OS9: variants seen among roughly 807,000 people sequenced by gnomAD.
OS9 encodes the protein protein OS-9.
In OS9, 58 loss-of-function variants were observed where a neutral mutation model predicts 84.7. The observed-to-expected ratio is 0.68, with a 90% CI of 0.55 to 0.85. The LOEUF (loss-of-function observed/expected upper bound fraction) is 0.85, where lower values mean the gene tolerates loss of function less well. OS9 is among the 40% of genes least tolerant of loss of function. OS9 has a pLI of 0.00. For synonymous variants in OS9, 278 were observed against 320.8 expected (o/e 0.87, Z 1.43); for missense variants, 760 against 850.9 (o/e 0.89, Z 1.33).
At chr12:57,706,832 G>C (rs1173913243) in intron 5 of OS9, among the ~76,000 whole-genome samples, 1 of 122,056 alleles carries the variant, frequency 8.2e-6, no homozygotes, top group Non-Finnish European at 1.6e-5. Flanking sequence ...CTGGGTGACA[G>C]AGCATGACTC....
rs140322215 is a variant in OS9, at chr12:57,714,757, C to T, written c.580-1003C>T. Among the ~76,000 whole-genome samples the T allele has an allele frequency of 7.7e-3, 1,169 of 152,184 alleles. 29 individuals carry two copies. Among genetic ancestry groups the T allele is most frequent in the East Asian group, 0.057 (294 of 5,148 alleles). On this transcript the variant is annotated intron_variant, in intron 5 of 14. Coordinates refer to ENST00000315970, the MANE Select transcript of OS9 (RefSeq NM_006812.4). ...ACTACAGGTGCACACCACCACACCTCGCTAATTTTTAAAAATTTTTTGTGG... is the reference window on the plus strand; with the variant it reads ...ACTACAGGTGCACACCACCACACCTTGCTAATTTTTAAAAATTTTTTGTGG...
intron 12 of OS9, 30 bp from the exon 13 acceptor site, chr12:57,720,069 T>C: frequency 6.2e-7 from 1 of 1,607,488 alleles, no homozygotes; most frequent in Non-Finnish European, 8.5e-7. Context: ...GCCTCTGCTT[T>C]GTGTTTCCCT....
At chr12:57,695,278 A>G (rs986522264) in intron 2 of OS9, 2 of 387,212 alleles carry the variant, frequency 5.2e-6, no homozygotes, top group African/African-American at 4.1e-5. Flanking sequence ...AGCACTTTTC[A>G]TGATCTGAAA....
intron 5 of OS9, among the ~76,000 whole-genome samples, chr12:57,700,103 AAAAAG>A (rs1053484618): frequency 2.0e-5 from 3 of 152,148 alleles, no homozygotes; most frequent in African/African-American, 7.2e-5. Flanking sequence ...AAAAAAGAAA[AAAAAG>A]AAAAGAAAAA....
Position 57,716,525 on chromosome 12 carries a change from G to A in OS9, c.993+13G>A, listed in dbSNP as rs1275031372. ...GGTGCCGGCTGAGGTGAGACCAGCT[G>A]CCTCAGAGGAGCAGGATGGGGATGG... is the stretch of plus-strand genomic sequence containing the variant. On this transcript the variant is annotated intron_variant, in intron 8 of 14. Coordinates refer to ENST00000315970, the MANE Select transcript of OS9 (RefSeq NM_006812.4). The A allele has an allele frequency of 1.3e-6, 2 of 1,564,514 alleles. No homozygotes were observed. Among genetic ancestry groups the A allele is most frequent in the East Asian group, 4.6e-5 (2 of 43,242 alleles).
chr12:57,717,197 T>G (rs1260542142), intron 9 of OS9, among the ~76,000 whole-genome samples: 1 of 152,164 alleles, frequency 6.6e-6, no homozygotes, highest in African/African-American at 2.4e-5. Context: ...CAGAAGTGCA[T>G]GGAAGAGTGG....
chr12:57,696,082 G>A (rs780179679), intron 4 of OS9, 44 bp downstream of exon 4: 32 of 1,448,446 alleles, frequency 2.2e-5, no homozygotes, highest in African/African-American at 4.2e-5. Context: ...TCTGGCCACC[G>A]GCTGAGAGCC....
In OS9 at chr12:57,716,208, CACCTGTTCCGT is replaced by C. The variant is rs748307636; in HGVS notation, c.892+16_892+26del. The C allele has an allele frequency of 1.9e-6, 3 of 1,557,998 alleles. No individual in the cohort carries two copies. In the African/African-American group the frequency reaches 4.1e-5, roughly 21 times the overall value. ...AAAGATGGCAGGTAGGACCTTGTTT[CACCTGTTCCGT>C]GAAACTCACTTCCATTTCTTCCCTT... On this transcript the variant is annotated intron_variant, in intron 7 of 14. Coordinates refer to ENST00000315970, the MANE Select transcript of OS9 (RefSeq NM_006812.4).
chr12:57,705,346 CTTG>C (rs754239820), intron 5 of OS9, among the ~76,000 whole-genome samples: 49 of 152,216 alleles, frequency 3.2e-4, no homozygotes, highest in South Asian at 1.0e-3. Flanking sequence ...TTTCCATTTA[CTTG>C]TTGTCCTATA....
Position 57,715,886 on chromosome 12 carries a change from C to G in OS9, c.706C>G (p.Pro236Ala). 1 of 1,613,690 alleles carries G rather than the reference C, an allele frequency of 6.2e-7. No individual in the cohort carries two copies. The highest frequency in any genetic ancestry group is 1.1e-5 in the South Asian group (1 of 90,960). ...RLCPHPLLRP[P>A]PSAAPQAILC... ...CTGCCCCCACCCTCTCCTCCGGCCC[C>G]CACCCAGTGCTGCACCGCAGGCCAT... is the stretch of plus-strand genomic sequence containing the variant. Residue 236 changes from proline (P) to alanine (A), a missense_variant, in exon 6 of 15, where the codon CCA (proline) becomes GCA (alanine). Transcript: ENST00000315970.
At chr12:57,694,996 T>G (rs1325288810) in intron 2 of OS9, 70 bp downstream of exon 2, 2 of 1,405,824 alleles carry the variant, frequency 1.4e-6, no homozygotes, top group East Asian at 4.6e-5. Context: ...TGGAGTCCAC[T>G]GAATGAGGCA....
chr12:57,706,768 T>G (rs7976852), intron 5 of OS9, among the ~76,000 whole-genome samples: 89,925 of 149,606 alleles, frequency 0.6, 27,565 homozygotes, highest in Middle Eastern at 0.7. Context: ...AGGATTGCTT[T>G]AGTTGGAGAG....
intron 5 of OS9, among the ~76,000 whole-genome samples, chr12:57,703,288 TGGGGG>T (rs2140303597): frequency 6.6e-6 from 1 of 152,196 alleles, no homozygotes; most frequent in South Asian, 2.1e-4. Flanking sequence ...TTCTTAGAGA[TGGGGG>T]TCTCGTTATG....
At chr12:57,717,638 C>T (rs111505240) in intron 9 of OS9, among the ~76,000 whole-genome samples, 2,071 of 151,454 alleles carry the variant, frequency 0.014, 44 homozygotes, top group African/African-American at 0.048. Flanking sequence ...ACTAAAAATA[C>T]AAAAATTAGC....
At chr12:57,703,508 T>C (rs1248337053) in intron 5 of OS9, among the ~76,000 whole-genome samples, 2 of 152,250 alleles carry the variant, frequency 1.3e-5, no homozygotes, top group Non-Finnish European at 2.9e-5. Context: ...TTGAAAAGAC[T>C]GTCCTTTCCC....
In OS9 at chr12:57,694,411, T is replaced by C. The variant is rs561159381; in HGVS notation, c.162+88T>C. The C allele has an allele frequency of 3.6e-6, 5 of 1,404,516 alleles. No individual in the cohort carries two copies. In the African/African-American group the frequency reaches 7.1e-5, roughly 20 times the overall value. 87.0% of individuals were successfully genotyped at this position (1,404,516 alleles called of 1,614,324 possible). A position where few individuals can be genotyped will look rare whatever the true frequency, so the allele number is the denominator to read the frequency against. On this transcript the variant is annotated intron_variant, in intron 1 of 14. Coordinates refer to ENST00000315970, the MANE Select transcript of OS9 (RefSeq NM_006812.4). ...GAAGGGCAGCTCCGGAGTCTGGGGCTGGAGCCTACGGGGAATCGGGAAGAG... is the reference window on the plus strand; with the variant it reads ...GAAGGGCAGCTCCGGAGTCTGGGGCCGGAGCCTACGGGGAATCGGGAAGAG...
intron 5 of OS9, among the ~76,000 whole-genome samples, chr12:57,699,618 C>T (rs971441209): frequency 4.6e-5 from 7 of 152,166 alleles, no homozygotes; most frequent in Non-Finnish European, 8.8e-5. Flanking sequence ...AAAGGCAAAA[C>T]ATGTACATGG....
At chr12:57,716,280 GGGGGGGGGTGGAAA>G in intron 7 of OS9, 87 bp downstream of exon 7, 1 of 513,994 alleles carries the variant, frequency 1.9e-6, no homozygotes, top group Non-Finnish European at 3.3e-6. Context: ...CTGGTGGGGT[GGGGGGGGGTGGAAA>G]AGTACCATGG....
Position 57,694,941 on chromosome 12 carries a change from G to C in OS9, c.339+15G>C. On this transcript the variant is annotated intron_variant, in intron 2 of 14. Transcript: ENST00000315970. Reference sequence around the variant, plus strand: ...GCTTGCTGAAGGTGAAAGGGACTGGGTTAGATAGAATGAGGGCTTGGAAAC... The same window carrying C: ...GCTTGCTGAAGGTGAAAGGGACTGGCTTAGATAGAATGAGGGCTTGGAAAC... The C allele has an allele frequency of 6.2e-7, 1 of 1,612,672 alleles. No individual in the cohort carries two copies. Among genetic ancestry groups the C allele is most frequent in the Non-Finnish European group, 8.5e-7 (1 of 1,178,734 alleles).
Sources: allele counts gnomAD v4.1 joint callset (sites outside exome capture counted in the v4.1 genomes callset), GRCh38; gene constraint gnomAD v4.1.1; transcripts MANE v1.5; gene names NCBI Gene and HGNC (gene_info 2026-07-23, HGNC 2026-07-21).